CMIP: variants seen among roughly 807,000 people sequenced by gnomAD.
CMIP encodes c-Maf inducing protein, also known as C-Maf-inducing protein.
In CMIP, 13 loss-of-function variants were observed where a neutral mutation model predicts 97.3. The observed-to-expected ratio is 0.13, with a 90% CI of 0.09 to 0.21. CMIP has a LOEUF of 0.21. Ranked by LOEUF, CMIP falls within the 10% of genes least tolerant of loss-of-function variation. The pLI, the probability that CMIP is intolerant of heterozygous loss-of-function variation, is 1.00. For missense variants in CMIP, 847 were observed against 1,024.9 expected (o/e 0.83, Z 2.37); for synonymous variants, 538 against 436.3 (o/e 1.23, Z -2.91).
At chr16:81,506,165 T>C (rs2089705577) in intron 1 of CMIP, among the ~76,000 whole-genome samples, 1 of 152,188 alleles carries the variant, frequency 6.6e-6, no homozygotes, top group Non-Finnish European at 1.5e-5. Context: ...AAACCAAGGC[T>C]CGGAGAGGTT....
At chr16:81,661,010 G>C in intron 6 of CMIP, 64 bp downstream of exon 6, 1 of 1,603,036 alleles carries the variant, frequency 6.2e-7, no homozygotes, top group Non-Finnish European at 8.5e-7. Context: ...CGCATACCAG[G>C]GATTGGGTTT....
chr16:81,467,373 C>T (rs932574811), intron 1 of CMIP, among the ~76,000 whole-genome samples: 6 of 152,138 alleles, frequency 3.9e-5, no homozygotes, highest in African/African-American at 1.4e-4. Flanking sequence ...GCAGTGCCCC[C>T]AGCAGCGGTG....
In CMIP at chr16:81,453,951, A is replaced by T. The variant is rs11863913; in HGVS notation, c.300+8410A>T. ...CATGTGCGTCTGGGAGGAAGAGGAG[A>T]GCATGGAAGCGATGACTACTCCCAC... On this transcript the variant is annotated intron_variant, in intron 1 of 20. Transcript: ENST00000537098. The surrounding 1 kb of genome is among the most constrained non-coding windows in gnomAD (Gnocchi z 4.0). Among the ~76,000 whole-genome samples the T allele has an allele frequency of 0.27, 40,659 of 151,954 alleles. 6,362 individuals are homozygous for T. The highest frequency in any genetic ancestry group is 0.39 in the East Asian group (2,023 of 5,160).
intron 3 of CMIP, among the ~76,000 whole-genome samples, chr16:81,648,498 A>G (rs1236001303): frequency 2.6e-5 from 4 of 152,118 alleles, no homozygotes; most frequent in Admixed American, 2.6e-4. Flanking sequence ...AGCCCTGAAG[A>G]GTTGGCCAGG....
chr16:81,657,356 A>C (rs1397997361), intron 4 of CMIP, among the ~76,000 whole-genome samples: 1 of 152,002 alleles, frequency 6.6e-6, no homozygotes, highest in East Asian at 1.9e-4. Context: ...ACAGATTAGG[A>C]CTCTTGAAAG....
intron 6 of CMIP, among the ~76,000 whole-genome samples, chr16:81,661,383 G>T (rs1033298184): frequency 6.6e-5 from 10 of 152,272 alleles, no homozygotes; most frequent in Non-Finnish European, 1.5e-4. Context: ...ATCCGCTGCC[G>T]GGCACCCGGC....
At chr16:81,676,796 C>T (rs1429078203) in intron 9 of CMIP, among the ~76,000 whole-genome samples, 3 of 152,168 alleles carry the variant, frequency 2.0e-5, no homozygotes, top group South Asian at 2.1e-4. Context: ...GGGCTATTCA[C>T]GTGCCCCCTC....
chr16:81,505,613 C>T (rs1424729300), intron 1 of CMIP, among the ~76,000 whole-genome samples: 1 of 152,212 alleles, frequency 6.6e-6, no homozygotes, highest in Non-Finnish European at 1.5e-5. Flanking sequence ...GGGAGCTCTG[C>T]ACAGAAACTT....
intron 1 of CMIP, among the ~76,000 whole-genome samples, chr16:81,534,769 T>C (rs2090309420): frequency 6.6e-6 from 1 of 152,236 alleles, no homozygotes; most frequent in Admixed American, 6.5e-5. Context: ...AAATAGTTAA[T>C]GGATTGTCTG....
chr16:81,613,514 T>A (rs540318978), intron 2 of CMIP, among the ~76,000 whole-genome samples: 1 of 152,064 alleles, frequency 6.6e-6, no homozygotes, highest in South Asian at 2.1e-4. Flanking sequence ...AGAACCTCTC[T>A]GGGGCTCATT....
intron 1 of CMIP, among the ~76,000 whole-genome samples, chr16:81,564,964 G>A (rs992589444): frequency 6.6e-6 from 1 of 152,046 alleles, no homozygotes. Context: ...CCTGTGGGGG[G>A]TGGGCATTGC....
chr16:81,601,715 T>C (rs1002520914), intron 1 of CMIP, among the ~76,000 whole-genome samples: 1 of 152,050 alleles, frequency 6.6e-6, no homozygotes, highest in Non-Finnish European at 1.5e-5. Flanking sequence ...CACCGACCCA[T>C]TCTCCAGCTC....
At chr16:81,449,102 T>C (rs570263484) in intron 1 of CMIP, among the ~76,000 whole-genome samples, 1 of 152,274 alleles carries the variant, frequency 6.6e-6, no homozygotes, top group African/African-American at 2.4e-5. Flanking sequence ...AGGCTTTGTT[T>C]CTTCTGCACC....
intron 1 of CMIP, among the ~76,000 whole-genome samples, chr16:81,577,446 C>T (rs111171278): frequency 0.057 from 5,388 of 94,734 alleles, 330 homozygotes; most frequent in African/African-American, 0.13. Context: ...ATAACCATCA[C>T]CTTCATCACC....
intron 1 of CMIP, among the ~76,000 whole-genome samples, chr16:81,601,697 G>A (rs1292208113): frequency 1.3e-5 from 2 of 152,082 alleles, no homozygotes; most frequent in South Asian, 2.1e-4. Context: ...AAAGACAAAG[G>A]CAGAGTTCAC....
At chr16:81,582,076 A>G (rs989861910) in intron 1 of CMIP, among the ~76,000 whole-genome samples, 1 of 152,140 alleles carries the variant, frequency 6.6e-6, no homozygotes, top group Non-Finnish European at 1.5e-5. Flanking sequence ...GGTGCCACAC[A>G]CTTTAAACCA....
chr16:81,561,255 A>G (rs925618063), intron 1 of CMIP, among the ~76,000 whole-genome samples: 8 of 152,204 alleles, frequency 5.3e-5, no homozygotes, highest in African/African-American at 1.4e-4. Flanking sequence ...GTGCCTGGCC[A>G]TGACTATAGA....
At chr16:81,593,386 C>CG (rs1261216746) in intron 1 of CMIP, among the ~76,000 whole-genome samples, 8 of 151,056 alleles carry the variant, frequency 5.3e-5, no homozygotes, top group African/African-American at 1.7e-4. Context: ...GGTTGGAGGG[C>CG]GGGGGGAGTT....
chr16:81,609,783 C>T (rs150979067), intron 2 of CMIP, among the ~76,000 whole-genome samples: 3,430 of 152,216 alleles, frequency 0.023, 53 homozygotes, highest in Middle Eastern at 0.086. Context: ...TATGGGGGAC[C>T]TGGGTACTTG....
Sources: gnomAD v4.1 joint callset for allele counts (sites outside exome capture counted in the v4.1 genomes callset) on GRCh38, gnomAD v4.1.1 for gene constraint, Gnocchi (gnomAD v3.1) non-coding constraint, MANE v1.5 for transcripts, NCBI Gene and HGNC (gene_info 2026-07-23, HGNC 2026-07-21) for gene names.